The following PARP11 variants were observed in gnomAD, a reference collection of about 807,000 sequenced individuals.
PARP11 encodes the protein poly(ADP-ribose) polymerase family member 11, also known as protein mono-ADP-ribosyltransferase PARP11.
Under a neutral mutation model 42.9 loss-of-function variants are expected in PARP11, and 31 were observed. The observed-to-expected ratio is 0.72, with a 90% CI of 0.54 to 0.98. The LOEUF is 0.98. Ranked by LOEUF, PARP11 falls within the 50% of genes least tolerant of loss-of-function variation. The pLI is 0.00. For missense variants in PARP11, 365 were observed against 413.1 expected (o/e 0.88, Z 1.01); for synonymous variants, 137 against 127.3 (o/e 1.08, Z -0.51).
intron 1 of PARP11, among the ~76,000 whole-genome samples, chr12:3,866,119 CAAACA>C (rs766836651): frequency 8.7e-4 from 133 of 152,086 alleles, no homozygotes; most frequent in Non-Finnish European, 1.6e-3. Flanking sequence ...AACAAACAAA[CAAACA>C]AAAGACACTT....
chr12:3,841,451 A>G, intron 1 of PARP11: 1 of 1,366,020 alleles, frequency 7.3e-7, no homozygotes, highest in Non-Finnish European at 1.0e-6. Context: ...AATTAAAGTG[A>G]TTGTACCTGT....
chr12:3,812,948 G>GCGTGC lies in PARP11; in HGVS notation c.701-514_701-510dup, dbSNP rs140256101. 0.017 allele frequency among the ~76,000 whole-genome samples: 2,640 copies of GCGTGC among 152,062 alleles called. 133 individuals are homozygous for GCGTGC. The South Asian group carries it at 0.18, about 10-fold the overall frequency. On this transcript the variant is annotated intron_variant, in intron 7 of 7. Coordinates refer to ENST00000228820, the MANE Select transcript of PARP11 (RefSeq NM_020367.6). Reference sequence around the variant, plus strand: ...CTCCTGAGTAGCTGGGATTACAGGCGCGTGCCACCACACCCAACTAATTTT... The same window carrying GCGTGC: ...CTCCTGAGTAGCTGGGATTACAGGCGCGTGCCGTGCCACCACACCCAACTAATTTT...
Position 3,840,019 on chromosome 12 carries a change from A to G in PARP11, c.19-10001T>C, listed in dbSNP as rs1279319527. Reference sequence around the variant, plus strand: ...GCTGAAGAACAATGGGAACTCTACTAGCCTGCCTTTGGCTAGAAAGGTTCT... The same window carrying G: ...GCTGAAGAACAATGGGAACTCTACTGGCCTGCCTTTGGCTAGAAAGGTTCT... On this transcript the variant is annotated intron_variant, in intron 1 of 7. Coordinates refer to ENST00000228820, the MANE Select transcript of PARP11 (RefSeq NM_020367.6). This position sits in a 1 kb window ranked among gnomAD's most constrained non-coding sequence, Gnocchi z 4.4. 1.2e-6 allele frequency: 2 copies of G among 1,604,086 alleles called. No homozygotes were observed. Among genetic ancestry groups the G allele is most frequent in the Admixed American group, 1.7e-5 (1 of 60,014 alleles).
chr12:3,822,423 C>T (rs1015346293), intron 4 of PARP11, among the ~76,000 whole-genome samples: 9 of 144,984 alleles, frequency 6.2e-5, no homozygotes, highest in African/African-American at 1.1e-4. Flanking sequence ...ACGGTGAAAC[C>T]CCGTCTCTAC....
Position 3,822,169 on chromosome 12 carries a change from A to C in PARP11, c.345-12T>G. On this transcript the variant is annotated splice_polypyrimidine_tract_variant and intron_variant, in intron 4 of 7. Coordinates refer to ENST00000228820, the MANE Select transcript of PARP11 (RefSeq NM_020367.6). ...TTTCACAGATGTAACTTGAAACAGCAAAAGAGAAAACAAAATATCAGAAGC... is the reference window on the plus strand; with the variant it reads ...TTTCACAGATGTAACTTGAAACAGCCAAAGAGAAAACAAAATATCAGAAGC... 1 of 1,604,950 alleles carries C rather than the reference A, an allele frequency of 6.2e-7. No homozygotes were observed. The highest frequency in any genetic ancestry group is 8.5e-7 in the Non-Finnish European group (1 of 1,172,590).
In PARP11 at chr12:3,873,225, C is replaced by G; in HGVS notation, c.5G>C (p.Trp2Ser). The change falls in exon 1 of 8, where the codon TGG becomes TCG. Residue 2 changes from tryptophan to serine, a missense_variant. By Grantham distance (177) the Trp-to-Ser change is radical. Transcript: ENST00000228820. ...CCGGCTACTCACTGGATTCGCTTCC[C>G]ACATAACGGTGACAAAATCGAGCGG... The part of the protein sequence containing the change: M[W>S]EANPEMFHKA... 6.5e-7 allele frequency: 1 copy of G among 1,550,374 alleles called. No individual in the cohort carries two copies. Among genetic ancestry groups the G allele is most frequent in the Non-Finnish European group, 8.7e-7 (1 of 1,146,774 alleles).
At position 3,829,991 on chromosome 12, in the gene PARP11, A is replaced by G. The variant is rs1001268814; in HGVS notation, c.46T>C (p.Phe16Leu). Residue 16 changes from phenylalanine to leucine, a missense_variant, in exon 2 of 8, where the codon TTT (phenylalanine) becomes CTT (leucine). Coordinates refer to ENST00000228820, the MANE Select transcript of PARP11 (RefSeq NM_020367.6). Reference sequence around the variant, plus strand: ...ACTTCATTGTTTGTTGTTTTAGAAAATAATTCTTCTGCTTTGTGAAACATC... The same window carrying G: ...ACTTCATTGTTTGTTGTTTTAGAAAGTAATTCTTCTGCTTTGTGAAACATC... ...PEMFHKAEELFSKTTNNEVDD... is the reference protein window; with the variant it reads ...PEMFHKAEELLSKTTNNEVDD... 1 of 1,613,892 alleles carries G rather than the reference A, an allele frequency of 6.2e-7. No homozygotes were observed. The highest frequency in any genetic ancestry group is 8.5e-7 in the Non-Finnish European group (1 of 1,179,772).
intron 1 of PARP11, among the ~76,000 whole-genome samples, chr12:3,839,288 G>A (rs1204185873): frequency 6.6e-6 from 1 of 151,596 alleles, no homozygotes; most frequent in Non-Finnish European, 1.5e-5. Flanking sequence ...CTGGCCTGCA[G>A]CAGGACCAGC....
At chr12:3,845,720 T>C (rs1216558921) in intron 1 of PARP11, among the ~76,000 whole-genome samples, 2 of 152,242 alleles carry the variant, frequency 1.3e-5, no homozygotes, top group Non-Finnish European at 2.9e-5. Context: ...AGAATCCTAA[T>C]AATGTCTCAT....
At chr12:3,820,721 T>C (rs187090750) in intron 6 of PARP11, among the ~76,000 whole-genome samples, 30 of 152,334 alleles carry the variant, frequency 2.0e-4, no homozygotes, top group Non-Finnish European at 1.5e-5. Flanking sequence ...AGGCAGAGGC[T>C]TCTGTCTTCC....
At chr12:3,866,158 C>T (rs1327158850) in intron 1 of PARP11, among the ~76,000 whole-genome samples, 1 of 152,140 alleles carries the variant, frequency 6.6e-6, no homozygotes, top group African/African-American at 2.4e-5. Flanking sequence ...ATGAGCTTCA[C>T]ATTACTAAAT....
intron 3 of PARP11, 40 bp from the exon 4 acceptor site, chr12:3,826,273 A>G: frequency 7.1e-7 from 1 of 1,405,092 alleles, no homozygotes; most frequent in Non-Finnish European, 9.8e-7. Context: ...TCATAAAAGT[A>G]CACTGTACTA....
intron 1 of PARP11, among the ~76,000 whole-genome samples, chr12:3,844,188 C>G (rs1947952633): frequency 6.6e-6 from 1 of 152,110 alleles, no homozygotes. Flanking sequence ...GATAATGTAA[C>G]AGGATTTTAG....
At chr12:3,859,170 T>C (rs1591536837) in intron 1 of PARP11, among the ~76,000 whole-genome samples, 1 of 151,130 alleles carries the variant, frequency 6.6e-6, no homozygotes, top group Non-Finnish European at 1.5e-5. Flanking sequence ...ATGAAACAAA[T>C]AAATTCATGT....
At chr12:3,844,800 G>C (rs540716961) in intron 1 of PARP11, among the ~76,000 whole-genome samples, 1 of 152,170 alleles carries the variant, frequency 6.6e-6, no homozygotes, top group African/African-American at 2.4e-5. Flanking sequence ...ACTTTTGATA[G>C]TTTTAAAATT....
chr12:3,859,985 T>G (rs537747285), intron 1 of PARP11, among the ~76,000 whole-genome samples: 1 of 152,220 alleles, frequency 6.6e-6, no homozygotes, highest in East Asian at 1.9e-4. Flanking sequence ...GCTGAAGGAG[T>G]GGCCTGGGTC....
chr12:3,857,284 A>C (rs1948210871), intron 1 of PARP11, among the ~76,000 whole-genome samples: 1 of 152,302 alleles, frequency 6.6e-6, no homozygotes, highest in Admixed American at 6.5e-5. Flanking sequence ...AATAATAATA[A>C]TAAAAAAAAG....
In PARP11 at chr12:3,814,206, A is replaced by G. The variant is rs372682362; in HGVS notation, c.549-18T>C. The G allele has an allele frequency of 3.9e-6, 6 of 1,555,818 alleles. No individual in the cohort carries two copies. The highest frequency in any genetic ancestry group is 1.4e-5 in the African/African-American group (1 of 73,708). ...CCTTTTTCCTAAAAACACAATATAC[A>G]CAGACACAAAAGCACACAGAAATAT... On this transcript the variant is annotated intron_variant, in intron 6 of 7. Transcript: ENST00000228820.
At position 3,810,962 on chromosome 12, in the gene PARP11, C is replaced by T. The variant is rs1473836513; in HGVS notation, c.*1161G>A. The T allele has an allele frequency of 6.6e-6, 1 of 152,198 alleles. No homozygotes were observed. The highest frequency in any genetic ancestry group is 1.5e-5 in the Non-Finnish European group (1 of 68,046). 9.4% of individuals were successfully genotyped at this position (152,198 alleles called of 1,614,324 possible). On this transcript the variant is annotated 3_prime_UTR_variant, in exon 8 of 8. Transcript: ENST00000228820. ...CAACATGCCCGCCAAGTTGCTGTCT[C>T]GCCTCTGCTAGAATACCTTTAGGGG...
Sources: allele counts gnomAD v4.1 joint callset (sites outside exome capture counted in the v4.1 genomes callset), GRCh38; gene constraint gnomAD v4.1.1; non-coding constraint Gnocchi (gnomAD v3.1); transcripts MANE v1.5; gene names NCBI Gene and HGNC (gene_info 2026-07-23, HGNC 2026-07-21).